Variants in MBD2 observed in about 807,000 individuals in gnomAD.
MBD2 encodes the protein methyl-CpG binding domain protein 2.
Under a neutral mutation model 39.3 loss-of-function variants are expected in MBD2, and 9 were observed. That is an observed-to-expected ratio of 0.23 (90% CI 0.14 to 0.40). MBD2 has a LOEUF of 0.40. Among genes scored for constraint, MBD2 ranks in the 10% least tolerant of loss-of-function variants. The pLI is 1.00. For missense variants in MBD2, 458 were observed against 532.6 expected, an observed-to-expected ratio of 0.86 and a Z score of 1.38; for synonymous variants, 233 against 211.1, an observed-to-expected ratio of 1.10 and a Z score of -0.90.
intron 5 of MBD2, among the ~76,000 whole-genome samples, chr18:54,161,974 G>A (rs900217226): frequency 2.6e-5 from 4 of 152,166 alleles, no homozygotes; most frequent in Admixed American, 1.3e-4. Context: ...GAGGAGCCAC[G>A]AGACAAGGAA....
At position 54,213,630 on chromosome 18, in the gene MBD2, TG is replaced by T. The variant is rs138856431; in HGVS notation, c.543-8474del. On this transcript the variant is annotated intron_variant, in intron 1 of 6. Transcript: ENST00000256429. ...AAAATACTGGTTATTTTGGTTGAAT[TG>T]GGGACTAGACACTGCTACGACACTG... 6.0e-3 allele frequency among the ~76,000 whole-genome samples: 915 copies of T among 152,286 alleles called. 10 individuals are homozygous for T. The highest frequency in any genetic ancestry group is 0.02 in the African/African-American group (851 of 41,542).
intron 1 of MBD2, among the ~76,000 whole-genome samples, chr18:54,221,591 A>G (rs1355026064): frequency 6.6e-6 from 1 of 151,984 alleles, no homozygotes; most frequent in East Asian, 1.9e-4. Context: ...CCTGGCCAAT[A>G]TGGTGAAACC....
chr18:54,178,623 A>C (rs567422859), intron 3 of MBD2, among the ~76,000 whole-genome samples: 33 of 152,284 alleles, frequency 2.2e-4, no homozygotes, highest in African/African-American at 7.5e-4. Context: ...CAAATAAGAC[A>C]AGGCATAATC....
At chr18:54,177,785 C>A (rs2086222665) in intron 3 of MBD2, among the ~76,000 whole-genome samples, 1 of 128,828 alleles carries the variant, frequency 7.8e-6, no homozygotes, top group South Asian at 2.6e-4. Flanking sequence ...AATTCCTATT[C>A]TTTCTGTAGG....
At chr18:54,185,505 CAG>C (rs1289448482) in intron 3 of MBD2, among the ~76,000 whole-genome samples, 1 of 152,038 alleles carries the variant, frequency 6.6e-6, no homozygotes, top group Non-Finnish European at 1.5e-5. Flanking sequence ...ATCAAGAGAC[CAG>C]ATAGTATCAA....
intron 3 of MBD2, among the ~76,000 whole-genome samples, chr18:54,183,140 A>G (rs1420844616): frequency 1.3e-5 from 2 of 152,212 alleles, no homozygotes; most frequent in African/African-American, 4.8e-5. Flanking sequence ...TTTCACTGAG[A>G]TAAAGCACAT....
chr18:54,162,191 C>T (rs2086102773), intron 5 of MBD2, among the ~76,000 whole-genome samples: 1 of 152,180 alleles, frequency 6.6e-6, no homozygotes, highest in Admixed American at 6.5e-5. Flanking sequence ...GACTTCTGAC[C>T]CCACAGAACT....
chr18:54,219,312 C>T (rs2086588953), intron 1 of MBD2, among the ~76,000 whole-genome samples: 1 of 152,192 alleles, frequency 6.6e-6, no homozygotes, highest in African/African-American at 2.4e-5. Flanking sequence ...TCCCAACACA[C>T]CACCACAAGA....
chr18:54,218,978 A>T (rs1224737536), intron 1 of MBD2, among the ~76,000 whole-genome samples: 1 of 151,516 alleles, frequency 6.6e-6, no homozygotes, highest in Non-Finnish European at 1.5e-5. Flanking sequence ...AAAAAAAAAA[A>T]TCCAGTATGA....
At position 54,154,325 on chromosome 18, in the gene MBD2, G is replaced by A. The variant is rs1383038780; in HGVS notation, c.*999C>T. The A allele has an allele frequency of 1.3e-5, 2 of 152,084 alleles. No individual in the cohort carries two copies. Among genetic ancestry groups the A allele is most frequent in the African/African-American group, 2.4e-5 (1 of 41,404 alleles). 9.4% of individuals were successfully genotyped at this position (152,084 alleles called of 1,614,324 possible). On this transcript the variant is annotated 3_prime_UTR_variant, in exon 7 of 7. Transcript: ENST00000256429. ...GAAAAAGAATGTTAATATTTTGGAG[G>A]CCAGGCCAGGTACAGGTAATGGTTT...
At chr18:54,178,945 A>T (rs1487408034) in intron 3 of MBD2, among the ~76,000 whole-genome samples, 2 of 152,234 alleles carry the variant, frequency 1.3e-5, no homozygotes, top group Non-Finnish European at 2.9e-5. Context: ...CTAGAAAGAA[A>T]AAATGAATAT....
chr18:54,182,650 A>G (rs1021763367), intron 3 of MBD2, among the ~76,000 whole-genome samples: 1 of 152,188 alleles, frequency 6.6e-6, no homozygotes, highest in Non-Finnish European at 1.5e-5. Flanking sequence ...CTATCAGACC[A>G]TCATGCCAGA....
intron 3 of MBD2, among the ~76,000 whole-genome samples, chr18:54,176,955 A>C (rs905076959): frequency 6.6e-6 from 1 of 152,244 alleles, no homozygotes; most frequent in Admixed American, 6.5e-5. Context: ...ACAGAGGTGC[A>C]GTAAGCGTTT....
intron 2 of MBD2, among the ~76,000 whole-genome samples, chr18:54,191,994 G>C (rs562608292): frequency 6.6e-6 from 1 of 152,184 alleles, no homozygotes; most frequent in Non-Finnish European, 1.5e-5. Context: ...GAAGTGTGAG[G>C]CTCAGGAGTA....
Position 54,194,557 on chromosome 18 carries a change from G to GTATATATATATA in MBD2, c.703-5558_703-5547dup, listed in dbSNP as rs147119140. Among the ~76,000 whole-genome samples the GTATATATATATA allele has an allele frequency of 5.5e-3, 820 of 148,776 alleles. 6 individuals carry two copies. The highest frequency in any genetic ancestry group is 0.019 in the African/African-American group (777 of 40,574). Reference sequence around the variant, plus strand: ...ACATATATAGAAGTTGTGTGTGTGTGTATATATATATATATGTAGCTTAAT... The same window carrying GTATATATATATA: ...ACATATATAGAAGTTGTGTGTGTGTGTATATATATATATATATATATATATATGTAGCTTAAT... On this transcript the variant is annotated intron_variant, in intron 2 of 6. Coordinates refer to ENST00000256429, the MANE Select transcript of MBD2 (RefSeq NM_003927.5).
intron 3 of MBD2, among the ~76,000 whole-genome samples, chr18:54,179,959 T>C (rs989914821): frequency 2.6e-5 from 1 of 38,790 alleles, no homozygotes; most frequent in Non-Finnish European, 5.0e-5. Flanking sequence ...AAAACTCTCA[T>C]TGACAGATGA....
chr18:54,164,443 G>A, intron 5 of MBD2, 80 bp downstream of exon 5: 1 of 1,230,290 alleles, frequency 8.1e-7, no homozygotes, highest in Non-Finnish European at 1.2e-6. Flanking sequence ...TACTAGATAT[G>A]CCACTGAACC....
At position 54,152,365 on chromosome 18, in the gene MBD2, T is replaced by C. The variant is rs1317582916; in HGVS notation, c.*2959A>G. 1.3e-5 allele frequency: 2 copies of C among 152,296 alleles called. No individual in the cohort carries two copies. Among genetic ancestry groups the C allele is most frequent in the Non-Finnish European group, 2.9e-5 (2 of 68,132 alleles). 9.4% of individuals were successfully genotyped at this position (152,296 alleles called of 1,614,324 possible). A position where few individuals can be genotyped will look rare whatever the true frequency, so the allele number is the denominator to read the frequency against. On this transcript the variant is annotated 3_prime_UTR_variant, in exon 7 of 7. Coordinates refer to ENST00000256429, the MANE Select transcript of MBD2 (RefSeq NM_003927.5). Reference sequence around the variant, plus strand: ...CTTGAGCTGAAGGTGCAGTGAGGAATAGTGGCAGCATGAGGCCAGACAGAC... The same window carrying C: ...CTTGAGCTGAAGGTGCAGTGAGGAACAGTGGCAGCATGAGGCCAGACAGAC...
intron 2 of MBD2, among the ~76,000 whole-genome samples, chr18:54,203,963 A>G (rs2086429139): frequency 6.6e-6 from 1 of 152,230 alleles, no homozygotes; most frequent in African/African-American, 2.4e-5. Flanking sequence ...TACCAATGAG[A>G]AACTGAAGGC....
Sources: allele counts gnomAD v4.1 joint callset (sites outside exome capture counted in the v4.1 genomes callset), GRCh38; gene constraint gnomAD v4.1.1; transcripts MANE v1.5; gene names NCBI Gene and HGNC (gene_info 2026-07-23, HGNC 2026-07-21).